FAM227A: variants seen among roughly 807,000 people sequenced by gnomAD.
The protein encoded by FAM227A is protein FAM227A.
FAM227A carries 80 observed loss-of-function variants against 74.7 expected under a neutral mutation model. The observed-to-expected ratio is 1.07, with a 90% CI of 0.89 to 1.29. The LOEUF is 1.29. Ranked by LOEUF, FAM227A falls within the 50% of genes most tolerant of loss-of-function variation. FAM227A has a pLI of 0.00. For missense variants in FAM227A, 654 were observed against 683.4 expected (o/e 0.96, Z 0.48); for synonymous variants, 237 against 241.8 (o/e 0.98, Z 0.19).
chr22:38,649,479 T>A lies in FAM227A; in HGVS notation c.142+548A>T, dbSNP rs191466266. On this transcript the variant is annotated intron_variant, in intron 2 of 16. Coordinates refer to ENST00000535113, the MANE Select transcript of FAM227A (RefSeq NM_001013647.2). ...TACTCGGGAGGCTGAGGCAGGAGAA[T>A]CACTTGAACTTGGGAAGTGGAGGTT... 4.5e-4 allele frequency among the ~76,000 whole-genome samples: 67 copies of A among 147,314 alleles called. 1 individual carries two copies. The highest frequency in any genetic ancestry group is 1.6e-3 in the African/African-American group (65 of 39,702).
chr22:38,653,383 T>C (rs2092348738), intron 1 of FAM227A, among the ~76,000 whole-genome samples: 1 of 151,962 alleles, frequency 6.6e-6, no homozygotes, highest in African/African-American at 2.4e-5. Flanking sequence ...AATGCTTTTT[T>C]TTTTTTTTTT....
intron 8 of FAM227A, 41 bp from the exon 9 acceptor site, chr22:38,626,344 C>T (rs746175613): frequency 1.3e-6 from 2 of 1,532,744 alleles, no homozygotes; most frequent in African/African-American, 1.4e-5. Context: ...CTCAACATTT[C>T]CACCCGGCTT....
rs1463990481 is a variant in FAM227A at position 38,607,613 on chromosome 22, T to C, written c.1039-137A>G. ...TCTTACTGTTCTCAGCAAAGGAACA[T>C]GCAGAACGAGACCTTTCAGGTCCTC... On this transcript the variant is annotated intron_variant, in intron 11 of 16. Transcript: ENST00000535113. 1.5e-5 allele frequency: 10 copies of C among 676,722 alleles called. No individual in the cohort carries two copies. In the Admixed American group the frequency reaches 2.1e-4, roughly 14 times the overall value. 41.9% of individuals were successfully genotyped at this position (676,722 alleles called of 1,614,324 possible).
chr22:38,639,634 G>A, intron 4 of FAM227A, 21 bp downstream of exon 4: 4 of 1,551,152 alleles, frequency 2.6e-6, no homozygotes, highest in Middle Eastern at 1.7e-4. Context: ...AGAGCATCAA[G>A]GCTGAGGGAA....
intron 9 of FAM227A, among the ~76,000 whole-genome samples, chr22:38,624,591 G>A (rs887106154): frequency 6.6e-6 from 1 of 152,176 alleles, no homozygotes; most frequent in Admixed American, 6.5e-5. Flanking sequence ...TAGAAACTAT[G>A]TGGCTTATGC....
chr22:38,592,330 T>G (rs2090956842), intron 15 of FAM227A, among the ~76,000 whole-genome samples: 1 of 152,190 alleles, frequency 6.6e-6, no homozygotes, highest in South Asian at 2.1e-4. Context: ...GACAAAAAAA[T>G]CTTTACTACA....
In FAM227A at chr22:38,614,000, G is replaced by T. The variant is rs139255239; in HGVS notation, c.1038+6212C>A. ...GATGCCTCAGTCCCCCAAGTAGCTG[G>T]GACCACAGGTGCATGGCACCACGCC... On this transcript the variant is annotated intron_variant, in intron 11 of 16. Transcript: ENST00000535113. 3.6e-3 allele frequency among the ~76,000 whole-genome samples: 555 copies of T among 152,196 alleles called. 2 individuals are homozygous for T. Among genetic ancestry groups the T allele is most frequent in the Non-Finnish European group, 4.8e-3 (324 of 68,006 alleles).
intron 2 of FAM227A, 72 bp from the exon 3 acceptor site, chr22:38,645,717 A>T (rs2092223866): frequency 9.7e-6 from 9 of 923,522 alleles, no homozygotes; most frequent in Non-Finnish European, 1.5e-5. Context: ...TTGTCTGGTG[A>T]GAAGGGCAGC....
chr22:38,590,348 C>T (rs1048880553), intron 16 of FAM227A, among the ~76,000 whole-genome samples: 1 of 151,210 alleles, frequency 6.6e-6, no homozygotes, highest in African/African-American at 2.4e-5. Context: ...CATATACCTT[C>T]GTTTTGGGAA....
At chr22:38,635,088 A>G (rs185101925) in intron 6 of FAM227A, among the ~76,000 whole-genome samples, 9 of 152,162 alleles carry the variant, frequency 5.9e-5, no homozygotes, top group Admixed American at 1.3e-4. Flanking sequence ...TAATAAAAAT[A>G]CAAATATTAG....
At position 38,581,761 on chromosome 22, in the gene FAM227A, C is replaced by A. The variant is rs1445617595; in HGVS notation, c.*4364G>T. On this transcript the variant is annotated 3_prime_UTR_variant, in exon 17 of 17. Transcript: ENST00000535113. ...GCTCAGGTTTTTTTTTTTTTTTTTC[C>A]CAGACACAGTCTTGCTCTATCATCC... 7.3e-6 allele frequency: 1 copy of A among 136,164 alleles called. No homozygotes were observed. Among genetic ancestry groups the A allele is most frequent in the African/African-American group, 3.0e-5 (1 of 33,486 alleles). The allele number at this position is 136,164 out of a possible 1,614,324, so 8.4% of individuals were successfully genotyped here.
At chr22:38,638,895 G>A in intron 4 of FAM227A, 73 bp from the exon 5 acceptor site, 2 of 997,332 alleles carry the variant, frequency 2.0e-6, no homozygotes, top group South Asian at 3.5e-5. Context: ...GCTTACAACT[G>A]TGCTTTTTCA....
At chr22:38,591,005 G>T (rs900333964) in intron 16 of FAM227A, among the ~76,000 whole-genome samples, 1 of 152,036 alleles carries the variant, frequency 6.6e-6, no homozygotes, top group Admixed American at 6.6e-5. Flanking sequence ...GGATGGTCTC[G>T]ATCTCCTGAC....
chr22:38,586,159 A>C lies in FAM227A; in HGVS notation c.1679T>G (p.Val560Gly). ...GGEGKRRETE[V>G]EHFFPLTSKP ...GGAAGTGAGTGGAAAGAAATGTTCAACTTCTGTTTCTCTTCTCTTTCCCTC... is the reference window on the plus strand; with the variant it reads ...GGAAGTGAGTGGAAAGAAATGTTCACCTTCTGTTTCTCTTCTCTTTCCCTC... The change falls in exon 17 of 17, where the codon GTT (valine) becomes GGT (glycine). Residue 560 changes from valine to glycine, a missense_variant. Physicochemically the swap from Val to Gly is moderately radical, Grantham distance 109. Transcript: ENST00000535113. 4.5e-6 allele frequency: 7 copies of C among 1,551,770 alleles called. No individual in the cohort carries two copies. The highest frequency in any genetic ancestry group is 6.1e-6 in the Non-Finnish European group (7 of 1,147,004).
chr22:38,613,141 ATATAT>A (rs1444622615), intron 11 of FAM227A, among the ~76,000 whole-genome samples: 5 of 87,948 alleles, frequency 5.7e-5, no homozygotes, highest in African/African-American at 9.5e-5. Flanking sequence ...TATATAATAT[ATATAT>A]TATATATTAT....
In FAM227A at chr22:38,586,194, C is replaced by T; in HGVS notation, c.1644G>A (p.Gly548=). The part of the protein sequence containing the change: ...EESPDKKTKE[G]KGGEGKRRET... ...CTCTTCTCTTTCCCTCTCCTCCTTTCCCCTCCTGTGGGGGAAACAAACGAA... is the reference window on the plus strand; with the variant it reads ...CTCTTCTCTTTCCCTCTCCTCCTTTTCCCTCCTGTGGGGGAAACAAACGAA... The change falls in exon 17 of 17, where the codon GGG becomes GGA. Residue 548 remains glycine (G), a synonymous_variant. Transcript: ENST00000535113. 1 of 1,551,056 alleles carries T rather than the reference C, an allele frequency of 6.4e-7. No individual in the cohort carries two copies. Among genetic ancestry groups the T allele is most frequent in the Non-Finnish European group, 8.7e-7 (1 of 1,146,822 alleles).
At chr22:38,649,988 T>TA in intron 2 of FAM227A, 39 bp downstream of exon 2, 1 of 1,546,772 alleles carries the variant, frequency 6.5e-7, no homozygotes. Context: ...AAGTTAGGTG[T>TA]ATTTGGTCTG....
Position 38,579,586 on chromosome 22 carries a change from CAAAAGT to C in FAM227A, c.*6533_*6538del, listed in dbSNP as rs1371921068. ...AATTATGGCTAAAATCAAATATGCACAAAAGTAAAACAGTATAATATTCCCATCACC... is the reference window on the plus strand; with the variant it reads ...AATTATGGCTAAAATCAAATATGCACAAAACAGTATAATATTCCCATCACC... On this transcript the variant is annotated 3_prime_UTR_variant, in exon 17 of 17. Transcript: ENST00000535113. 2 of 152,066 alleles carry C rather than the reference CAAAAGT, an allele frequency of 1.3e-5. No homozygotes were observed. The highest frequency in any genetic ancestry group is 2.4e-5 in the African/African-American group (1 of 41,400). The allele number at this position is 152,066 out of a possible 1,614,324, so 9.4% of individuals were successfully genotyped here. A position where few individuals can be genotyped will look rare whatever the true frequency, so the allele number is the denominator to read the frequency against.
At chr22:38,597,467 G>A (rs1602872910) in intron 14 of FAM227A, 111 bp from the exon 15 acceptor site, 9 of 1,032,332 alleles carry the variant, frequency 8.7e-6, no homozygotes, top group Non-Finnish European at 1.2e-5. Flanking sequence ...ACAGAACAGG[G>A]AAAATGCCCT....
Sources: allele counts gnomAD v4.1 joint callset (sites outside exome capture counted in the v4.1 genomes callset), GRCh38; gene constraint gnomAD v4.1.1; transcripts MANE v1.5; gene names NCBI Gene and HGNC (gene_info 2026-07-23, HGNC 2026-07-21).